The following TEX14 variants were observed in gnomAD, a reference collection of about 807,000 sequenced individuals.
TEX14 encodes testis expressed 14, intercellular bridge forming factor.
TEX14 carries 168 observed loss-of-function variants against 178.6 expected under a neutral mutation model. The observed-to-expected ratio is 0.94, with a 90% confidence interval of 0.83 to 1.07. The LOEUF (loss-of-function observed/expected upper bound fraction) is 1.07, where lower values mean the gene tolerates loss of function less well. Ranked by LOEUF, TEX14 falls within the 50% of genes least tolerant of loss-of-function variation. The pLI, the probability that TEX14 is intolerant of heterozygous loss-of-function variation, is 0.00. For synonymous variants in TEX14, 626 were observed against 634.1 expected (o/e 0.99, Z 0.19); for missense variants, 1,730 against 1,753.6 (o/e 0.99, Z 0.24).
rs1350240607 is a variant in TEX14 at position 58,622,987 on chromosome 17, CA to C, written c.276del (p.Val93SerfsTer38). The C allele has an allele frequency of 5.6e-6, 9 of 1,600,064 alleles. No homozygotes were observed. The highest frequency in any genetic ancestry group is 1.7e-5 in the Admixed American group (1 of 59,800). ...TTGCCCGAAAATGCTGCTGCATGGA[CA>C]GGGGTGCTCCCATCAAAGCAGCGGC... ...PNHRCFDGST[P>X]VHAAAFSGNQ... On this transcript the variant is annotated frameshift_variant, in exon 4 of 32. Transcript: ENST00000349033. LOFTEE classifies it high-confidence loss of function.
intron 2 of TEX14, among the ~76,000 whole-genome samples, chr17:58,649,625 C>T (rs769713834): frequency 6.6e-6 from 1 of 152,106 alleles, no homozygotes; most frequent in Non-Finnish European, 1.5e-5. Context: ...TAATAAATGT[C>T]ATAATACTCT....
At chr17:58,689,889 G>A (rs1301327051) in intron 1 of TEX14, among the ~76,000 whole-genome samples, 1 of 147,270 alleles carries the variant, frequency 6.8e-6, no homozygotes, top group Non-Finnish European at 1.5e-5. Flanking sequence ...TCGCTCTGTC[G>A]CCCAGGCTGG....
chr17:58,563,281 A>C (rs1034042980), intron 28 of TEX14, among the ~76,000 whole-genome samples: 13 of 152,014 alleles, frequency 8.6e-5, no homozygotes, highest in Non-Finnish European at 1.9e-4. Context: ...AAGAGCTCCA[A>C]ATCAGGAACA....
chr17:58,613,095 G>A (rs1293772284), intron 9 of TEX14, among the ~76,000 whole-genome samples: 1 of 151,822 alleles, frequency 6.6e-6, no homozygotes, highest in Non-Finnish European at 1.5e-5. Context: ...CCAGCTACTC[G>A]GGAGGCTGAG....
At chr17:58,666,173 T>C (rs774980838) in intron 1 of TEX14, among the ~76,000 whole-genome samples, 42 of 151,682 alleles carry the variant, frequency 2.8e-4, no homozygotes, top group African/African-American at 1.0e-3. Flanking sequence ...TAAGACGCCA[T>C]CTCTACTAAA....
At chr17:58,685,744 C>A (rs1350571905) in intron 1 of TEX14, among the ~76,000 whole-genome samples, 1 of 151,660 alleles carries the variant, frequency 6.6e-6, no homozygotes, top group Non-Finnish European at 1.5e-5. Context: ...GTAATCCCAG[C>A]AGTTTGGGAG....
intron 24 of TEX14, among the ~76,000 whole-genome samples, chr17:58,571,435 G>A (rs190717119): frequency 1.5e-4 from 22 of 151,008 alleles, no homozygotes; most frequent in Non-Finnish European, 2.4e-4. Flanking sequence ...ATGGGGTTTC[G>A]TCATGCTGCC....
At chr17:58,581,880 G>A in intron 19 of TEX14, 1 of 822,124 alleles carries the variant, frequency 1.2e-6, no homozygotes, top group Non-Finnish European at 1.9e-6. Flanking sequence ...CTTTGTGCAT[G>A]TGCCTCTGCC....
intron 8 of TEX14, among the ~76,000 whole-genome samples, chr17:58,614,621 G>A (rs983620139): frequency 6.6e-6 from 1 of 152,328 alleles, no homozygotes; most frequent in African/African-American, 2.4e-5. Flanking sequence ...CCTTCAAGCC[G>A]ACTTCCACAA....
At chr17:58,584,623 G>A in intron 18 of TEX14, 23 bp from the exon 19 acceptor site, 4 of 1,535,114 alleles carry the variant, frequency 2.6e-6, no homozygotes, top group Non-Finnish European at 3.6e-6. Flanking sequence ...ACACAGTCAG[G>A]GTCAAAGTCA....
chr17:58,588,045 A>G (rs1415698842), intron 15 of TEX14, 24 bp from the exon 16 acceptor site: 10 of 866,016 alleles, frequency 1.2e-5, no homozygotes, highest in Non-Finnish European at 2.0e-5. Flanking sequence ...GGACTGAGCT[A>G]TAAGATCTCT....
At chr17:58,592,303 C>T (rs906916954) in intron 15 of TEX14, among the ~76,000 whole-genome samples, 7 of 151,048 alleles carry the variant, frequency 4.6e-5, no homozygotes, top group African/African-American at 1.5e-4. Context: ...CATCTCAGCT[C>T]ACTGCAACTT....
intron 2 of TEX14, among the ~76,000 whole-genome samples, chr17:58,646,917 T>A (rs2143202114): frequency 6.6e-6 from 1 of 152,102 alleles, no homozygotes; most frequent in South Asian, 2.1e-4. Context: ...TCTTTTTTTT[T>A]TTTTTTAGAC....
intron 29 of TEX14, among the ~76,000 whole-genome samples, chr17:58,560,974 A>AT (rs1344693145): frequency 6.6e-6 from 1 of 152,220 alleles, no homozygotes; most frequent in Non-Finnish European, 1.5e-5. Flanking sequence ...CTCAAGATGC[A>AT]TGGCTCATTA....
chr17:58,583,724 G>A (rs536674598), intron 19 of TEX14, among the ~76,000 whole-genome samples: 5 of 152,270 alleles, frequency 3.3e-5, no homozygotes, highest in Non-Finnish European at 5.9e-5. Flanking sequence ...TTCCTGCCTA[G>A]GCCTGCTTCT....
intron 2 of TEX14, among the ~76,000 whole-genome samples, chr17:58,644,664 T>TC (rs2046655289): frequency 8.4e-6 from 1 of 118,874 alleles, no homozygotes; most frequent in Non-Finnish European, 1.7e-5. Context: ...TTTTTTTTTT[T>TC]CTGACGGAGT....
In TEX14 at chr17:58,615,382, G is replaced by A. The variant is rs752676845; in HGVS notation, c.768-37C>T. 8.0e-6 allele frequency: 10 copies of A among 1,256,420 alleles called. No homozygotes were observed. In the Admixed American group the frequency reaches 1.2e-4, roughly 15 times the overall value. 77.8% of individuals were successfully genotyped at this position (1,256,420 alleles called of 1,614,324 possible). ...GGAAAGAGTTTCAGCAGAAAGGAGT[G>A]AGCAGCCACTTACTCCTTCAATGAA... On this transcript the variant is annotated intron_variant, in intron 7 of 31. Coordinates refer to ENST00000349033, the MANE Select transcript of TEX14 (RefSeq NM_031272.5).
chr17:58,604,364 G>C (rs921180730), intron 11 of TEX14, among the ~76,000 whole-genome samples: 1 of 150,838 alleles, frequency 6.6e-6, no homozygotes, highest in Non-Finnish European at 1.5e-5. Context: ...CCAGCTACTC[G>C]GGAGGCTGAG....
chr17:58,613,431 A>G lies in TEX14; in HGVS notation c.995T>C (p.Leu332Pro). 1 of 1,614,068 alleles carries G rather than the reference A, an allele frequency of 6.2e-7. No homozygotes were observed. Among genetic ancestry groups the G allele is most frequent in the Non-Finnish European group, 8.5e-7 (1 of 1,179,964 alleles). The stretch of plus-strand genomic sequence containing the variant: ...GAAACAGCAGTTTACTCGTTCATGA[A>G]GGACACTGAACAATGTGCCGATAGT... ...RITIGTLFSV[L>P]HERRSQFPVL... The change falls in exon 9 of 32, where the codon CTT becomes CCT. Residue 332 changes from leucine to proline, a missense_variant. Leu to Pro is a moderately conservative substitution (Grantham distance 98, BLOSUM62 -3). Transcript: ENST00000349033.
Sources: allele counts gnomAD v4.1 joint callset (sites outside exome capture counted in the v4.1 genomes callset), GRCh38; gene constraint gnomAD v4.1.1; transcripts MANE v1.5; gene names NCBI Gene and HGNC (gene_info 2026-07-23, HGNC 2026-07-21).